Variants in SLK observed in about 807,000 individuals in gnomAD.
The protein encoded by SLK is STE20-like serine/threonine-protein kinase.
SLK carries 67 observed loss-of-function variants against 147.7 expected under a neutral mutation model. That is an observed-to-expected ratio of 0.45 (90% CI 0.37 to 0.56). The LOEUF (loss-of-function observed/expected upper bound fraction) is 0.56. Among genes scored for constraint, SLK ranks in the 20% least tolerant of loss-of-function variants. The pLI is 0.00. For missense variants in SLK, 1,136 were observed against 1,438.8 expected, an observed-to-expected ratio of 0.79 and a Z score of 3.41; for synonymous variants, 441 against 475.0, an observed-to-expected ratio of 0.93 and a Z score of 0.93.
intron 17 of SLK, among the ~76,000 whole-genome samples, chr10:104,021,078 A>G (rs805674): frequency 0.74 from 111,859 of 152,144 alleles, 41,276 homozygotes; most frequent in East Asian, 0.86. Context: ...GAAATTTAAA[A>G]GTTATTCGAG....
Position 104,021,830 on chromosome 10 carries a change from G to A in SLK, c.3561+97G>A, listed in dbSNP as rs558394625. 3.0e-5 allele frequency: 20 copies of A among 676,676 alleles called. No individual in the cohort carries two copies. In the African/African-American group the frequency reaches 3.0e-4, roughly 10 times the overall value. 41.9% of individuals were successfully genotyped at this position (676,676 alleles called of 1,614,324 possible). A position where few individuals can be genotyped will look rare whatever the true frequency, so the allele number is the denominator to read the frequency against. ...TACTGTGTCAGGTACAGTGTCAGGG[G>A]CAGGAAACATAGAGATGAAAAGACA... is the stretch of plus-strand genomic sequence containing the variant. On this transcript the variant is annotated intron_variant, in intron 18 of 18. Transcript: ENST00000369755.
intron 4 of SLK, among the ~76,000 whole-genome samples, chr10:103,997,737 T>C (rs1197185569): frequency 6.6e-6 from 1 of 152,118 alleles, no homozygotes; most frequent in Non-Finnish European, 1.5e-5. Flanking sequence ...CTCTGTCGCC[T>C]TTCAGAATTT....
At chr10:103,996,731 CT>C (rs1237618239) in intron 4 of SLK, among the ~76,000 whole-genome samples, 4 of 152,184 alleles carry the variant, frequency 2.6e-5, no homozygotes, top group Non-Finnish European at 5.9e-5. Context: ...TATTCGAGTG[CT>C]TTCTTCCCCG....
intron 7 of SLK, among the ~76,000 whole-genome samples, chr10:104,000,458 GTT>G (rs1426868267): frequency 3.3e-5 from 5 of 152,150 alleles, no homozygotes; most frequent in Non-Finnish European, 2.9e-5. Flanking sequence ...CCATCATAGT[GTT>G]TTAGGTTGAC....
intron 18 of SLK, among the ~76,000 whole-genome samples, chr10:104,024,909 AT>A (rs1844578444): frequency 6.6e-6 from 1 of 152,062 alleles, no homozygotes; most frequent in South Asian, 2.1e-4. Flanking sequence ...CACTCATCCC[AT>A]TTGGAGGGCT....
At chr10:103,993,178 A>G in intron 4 of SLK, 45 bp downstream of exon 4, 7 of 1,446,176 alleles carry the variant, frequency 4.8e-6, no homozygotes, top group Non-Finnish European at 5.7e-6. Context: ...TTACTCTGAA[A>G]TTTCCATCTT....
chr10:104,001,123 C>A (rs1477390251), intron 7 of SLK, among the ~76,000 whole-genome samples: 2 of 140,544 alleles, frequency 1.4e-5, no homozygotes, highest in Non-Finnish European at 3.1e-5. Context: ...CTTTAAATTT[C>A]AATTAAAATT....
At chr10:104,020,943 A>G (rs1844525734) in intron 17 of SLK, among the ~76,000 whole-genome samples, 1 of 152,218 alleles carries the variant, frequency 6.6e-6, no homozygotes. Flanking sequence ...TTTTGTTGTC[A>G]TATTCTGAAT....
rs1589520751 is a variant in SLK, at chr10:103,967,237, G to T, written c.-509G>T. On this transcript the variant is annotated 5_prime_UTR_variant, in exon 1 of 19. Transcript: ENST00000369755. The stretch of plus-strand genomic sequence containing the variant: ...GCCCCAGACCCGAGGGGACGCGCGG[G>T]CCTTGCGCCGCGGGAGCGGACGGCG... The T allele has an allele frequency of 6.6e-6, 1 of 151,882 alleles. No homozygotes were observed. Among genetic ancestry groups the T allele is most frequent in the Non-Finnish European group, 1.5e-5 (1 of 68,208 alleles). 9.4% of individuals were successfully genotyped at this position (151,882 alleles called of 1,614,324 possible). A position where few individuals can be genotyped will look rare whatever the true frequency, so the allele number is the denominator to read the frequency against.
chr10:104,012,773 G>A (rs1390173319), intron 13 of SLK, among the ~76,000 whole-genome samples: 1 of 152,222 alleles, frequency 6.6e-6, no homozygotes, highest in East Asian at 1.9e-4. Context: ...TCTTGGCCAT[G>A]TCTTGTTACC....
At chr10:103,998,992 A>G (rs1208003643) in intron 5 of SLK, 21 bp downstream of exon 5, 2 of 1,570,750 alleles carry the variant, frequency 1.3e-6, no homozygotes, top group African/African-American at 2.7e-5. Flanking sequence ...AGTTTTATGA[A>G]TTTATAGTAT....
intron 1 of SLK, among the ~76,000 whole-genome samples, chr10:103,975,423 C>G (rs911677446): frequency 6.6e-5 from 10 of 152,246 alleles, no homozygotes; most frequent in South Asian, 2.1e-4. Context: ...CCCGCCAAAC[C>G]TAATTAAACA....
chr10:103,974,570 G>A (rs1355490384), intron 1 of SLK: 1 of 69,524 alleles, frequency 1.4e-5, no homozygotes, highest in East Asian at 5.8e-4. Flanking sequence ...AGCCGAGATT[G>A]CGCCACTGCA....
chr10:104,023,785 C>T lies in SLK; in HGVS notation c.3562-1789C>T, dbSNP rs551898959. Among the ~76,000 whole-genome samples, 17 of 152,238 alleles carry T rather than the reference C, an allele frequency of 1.1e-4. No individual in the cohort carries two copies. The East Asian group carries it at 2.1e-3, about 19-fold the overall frequency. On this transcript the variant is annotated intron_variant, in intron 18 of 18. Coordinates refer to ENST00000369755, the MANE Select transcript of SLK (RefSeq NM_014720.4). ...CACATTTGTTTATTGTCCCCTCTTGCGAGTGAGAATATAAACTCCTTAAAA... is the reference window on the plus strand; with the variant it reads ...CACATTTGTTTATTGTCCCCTCTTGTGAGTGAGAATATAAACTCCTTAAAA...
In SLK at chr10:103,967,644, C is replaced by T. The variant is rs1007113698; in HGVS notation, c.-102C>T. On this transcript the variant is annotated 5_prime_UTR_variant, in exon 1 of 19. Transcript: ENST00000369755. ...TGCGGGGGCCGAGGGACGCCGCGCC[C>T]GCCGCCGCCAGCCGGGCTCGCGCGG... is the stretch of plus-strand genomic sequence containing the variant. 1.3e-4 allele frequency: 146 copies of T among 1,087,120 alleles called. No homozygotes were observed. Among genetic ancestry groups the T allele is most frequent in the Non-Finnish European group, 1.8e-4 (144 of 822,032 alleles). 67.3% of individuals were successfully genotyped at this position (1,087,120 alleles called of 1,614,324 possible). A position where few individuals can be genotyped will look rare whatever the true frequency, so the allele number is the denominator to read the frequency against.
intron 1 of SLK, among the ~76,000 whole-genome samples, chr10:103,986,692 T>TC (rs34635659): frequency 0.13 from 15,950 of 124,366 alleles, 1,002 homozygotes; most frequent in Non-Finnish European, 0.16. Flanking sequence ...TTTTTTTTTT[T>TC]CCCTGAGACA....
chr10:103,971,514 C>T (rs900976319), intron 1 of SLK, among the ~76,000 whole-genome samples: 20 of 152,154 alleles, frequency 1.3e-4, no homozygotes, highest in African/African-American at 3.9e-4. Context: ...TCAGGTGATC[C>T]GCCTGCCTTG....
intron 1 of SLK, among the ~76,000 whole-genome samples, chr10:103,987,165 T>C (rs547283889): frequency 6.6e-6 from 1 of 152,324 alleles, no homozygotes; most frequent in South Asian, 2.1e-4. Flanking sequence ...AGCAATAATT[T>C]GAGGCACTAT....
intron 1 of SLK, among the ~76,000 whole-genome samples, chr10:103,985,132 TGTTA>T (rs774971588): frequency 1.3e-5 from 2 of 152,236 alleles, no homozygotes; most frequent in East Asian, 3.8e-4. Context: ...TTATTATTGT[TGTTA>T]GTCTCTTACC....
Sources: allele counts gnomAD v4.1 joint callset (sites outside exome capture counted in the v4.1 genomes callset), GRCh38; gene constraint gnomAD v4.1.1; transcripts MANE v1.5; gene names NCBI Gene and HGNC (gene_info 2026-07-23, HGNC 2026-07-21).